Variants in FBXL14 observed in about 807,000 individuals in gnomAD.
The protein encoded by FBXL14 is F-box and leucine rich repeat protein 14.
FBXL14 carries 11 observed loss-of-function variants against 24.5 expected under a neutral mutation model. That is an observed-to-expected ratio of 0.45 (90% CI 0.28 to 0.74). The LOEUF (loss-of-function observed/expected upper bound fraction) is 0.74. Ranked by LOEUF, FBXL14 falls within the 30% of genes least tolerant of loss-of-function variation. FBXL14 has a pLI of 0.12. For missense variants in FBXL14, 384 were observed against 545.6 expected, an observed-to-expected ratio of 0.70 and a Z score of 2.95; for synonymous variants, 294 against 240.4, an observed-to-expected ratio of 1.22 and a Z score of -2.06.
intron 1 of FBXL14, among the ~76,000 whole-genome samples, chr12:1,585,397 C>CA (rs34371174): frequency 0.031 from 2,875 of 93,716 alleles, 31 homozygotes; most frequent in African/African-American, 0.035. Flanking sequence ...GACTCCGTCT[C>CA]AAAAAAAAAA....
intron 1 of FBXL14, among the ~76,000 whole-genome samples, chr12:1,568,776 A>G (rs185901371): frequency 2.7e-4 from 41 of 152,208 alleles, no homozygotes; most frequent in African/African-American, 9.2e-4. Flanking sequence ...CAAGAGAATC[A>G]CTTGAACCCA....
chr12:1,572,472 G>T (rs2094447020), intron 1 of FBXL14, among the ~76,000 whole-genome samples: 1 of 152,222 alleles, frequency 6.6e-6, no homozygotes, highest in Non-Finnish European at 1.5e-5. Context: ...TTGTTACCAA[G>T]TAAGATGCAC....
rs1403333511 is a variant in FBXL14 at position 1,592,784 on chromosome 12, A to C, written c.1194+89T>G. The C allele has an allele frequency of 3.6e-6, 4 of 1,122,420 alleles. No individual in the cohort carries two copies. In the East Asian group the frequency reaches 7.5e-5, roughly 21 times the overall value. The allele number at this position is 1,122,420 out of a possible 1,614,324, so 69.5% of individuals were successfully genotyped here. A position where few individuals can be genotyped will look rare whatever the true frequency, so the allele number is the denominator to read the frequency against. ...TCATCCGCTGCAATGATCTGTGCGT[A>C]AGTGTGCGTGTGAGTGTGTGGGGGC... is the stretch of plus-strand genomic sequence containing the variant. On this transcript the variant is annotated intron_variant, in intron 1 of 1. Transcript: ENST00000339235.
intron 1 of FBXL14, among the ~76,000 whole-genome samples, chr12:1,589,344 G>T (rs1474442742): frequency 2.7e-5 from 4 of 146,168 alleles, no homozygotes; most frequent in African/African-American, 1.0e-4. Context: ...GCTGCAGTGG[G>T]TTGTGATTGT....
rs1488706092 is a variant in FBXL14, at chr12:1,566,279, G to C, written c.*469C>G. The C allele has an allele frequency of 2.0e-5, 3 of 152,352 alleles. No homozygotes were observed. Among genetic ancestry groups the C allele is most frequent in the Admixed American group, 2.0e-4 (3 of 15,258 alleles). 9.4% of individuals were successfully genotyped at this position (152,352 alleles called of 1,614,324 possible). On this transcript the variant is annotated 3_prime_UTR_variant, in exon 2 of 2. Coordinates refer to ENST00000339235, the MANE Select transcript of FBXL14 (RefSeq NM_152441.3). ...GAGTTGTGAATTCCTTGTGTGTCCA[G>C]CTATCACTATGTAATGATATTTTAC...
At chr12:1,586,681 C>T (rs1015516355) in intron 1 of FBXL14, among the ~76,000 whole-genome samples, 4 of 152,160 alleles carry the variant, frequency 2.6e-5, no homozygotes, top group Non-Finnish European at 5.9e-5. Flanking sequence ...GCATCTTTTC[C>T]CATTTATAAA....
Position 1,593,358 on chromosome 12 carries a change from A to G in FBXL14, c.709T>C (p.Phe237Leu). 1 of 1,613,902 alleles carries G rather than the reference A, an allele frequency of 6.2e-7. No homozygotes were observed. The highest frequency in any genetic ancestry group is 8.5e-7 in the Non-Finnish European group (1 of 1,180,022). Residue 237 changes from phenylalanine to leucine, a missense_variant, in exon 1 of 2, where the codon TTC becomes CTC. Phe to Leu is a conservative substitution (Grantham distance 22). Coordinates refer to ENST00000339235, the MANE Select transcript of FBXL14 (RefSeq NM_152441.3). The surrounding 1 kb of genome is among the most constrained non-coding windows in gnomAD (Gnocchi z 7.4). ...CCAGCGTCCGAGATTCCCCCACAGA[A>G]GCTGAGGTTGAGGAGCCTCAGGCCC... ...LTGLRLLNLS[F>L]CGGISDAGLL...
rs144533122 is a variant in FBXL14, at chr12:1,579,159, T to A, written c.1195-12349A>T. 2.3e-3 allele frequency among the ~76,000 whole-genome samples: 356 copies of A among 152,134 alleles called. 1 individual carries two copies. Among genetic ancestry groups the A allele is most frequent in the African/African-American group, 8.2e-3 (339 of 41,526 alleles). ...CCGACATAAAATACGAATATGATCT[T>A]TGCATTAAGTATTAAATATAATACC... On this transcript the variant is annotated intron_variant, in intron 1 of 1. Coordinates refer to ENST00000339235, the MANE Select transcript of FBXL14 (RefSeq NM_152441.3). The surrounding 1 kb of genome is among the most constrained non-coding windows in gnomAD (Gnocchi z 4.3).
intron 1 of FBXL14, among the ~76,000 whole-genome samples, chr12:1,575,179 C>G (rs928622312): frequency 6.6e-6 from 1 of 152,128 alleles, no homozygotes; most frequent in Non-Finnish European, 1.5e-5. Context: ...GGAGAAAAAA[C>G]TTCTATTTAA....
chr12:1,592,709 CTGGAGGA>C (rs1323364608), intron 1 of FBXL14, among the ~76,000 whole-genome samples, 157 bp downstream of exon 1: 3 of 152,130 alleles, frequency 2.0e-5, no homozygotes, highest in African/African-American at 7.2e-5. Context: ...CGGGAGGGGG[CTGGAGGA>C]GGGAGGAGGA....
chr12:1,580,388 C>T (rs570170008), intron 1 of FBXL14, among the ~76,000 whole-genome samples: 1 of 152,176 alleles, frequency 6.6e-6, no homozygotes, highest in East Asian at 1.9e-4. Context: ...TGCTTCCAAA[C>T]TCTCTACATC....
chr12:1,594,094 G>T lies in FBXL14; in HGVS notation c.-28C>A, dbSNP rs759409432. 1.2e-5 allele frequency: 16 copies of T among 1,371,926 alleles called. No homozygotes were observed. The highest frequency in any genetic ancestry group is 1.5e-5 in the Non-Finnish European group (16 of 1,068,962). The allele number at this position is 1,371,926 out of a possible 1,614,324, so 85.0% of individuals were successfully genotyped here. ...TCCTCCTCCCCCCTCCGCGGCGCTG[G>T]GGGGAGGAGGCGCGGGCCCCGCCGC... On this transcript the variant is annotated 5_prime_UTR_variant, in exon 1 of 2. Coordinates refer to ENST00000339235, the MANE Select transcript of FBXL14 (RefSeq NM_152441.3).
intron 1 of FBXL14, among the ~76,000 whole-genome samples, chr12:1,590,610 C>T (rs936552735): frequency 6.6e-6 from 1 of 152,204 alleles, no homozygotes; most frequent in Non-Finnish European, 1.5e-5. Context: ...TTTCATTAAT[C>T]TGCCCCGATT....
At chr12:1,581,213 TGG>T (rs1239325409) in intron 1 of FBXL14, among the ~76,000 whole-genome samples, 1 of 132,738 alleles carries the variant, frequency 7.5e-6, no homozygotes, top group African/African-American at 2.7e-5. Flanking sequence ...ACCTTTAGGG[TGG>T]GGGGTGGGTG....
intron 1 of FBXL14, among the ~76,000 whole-genome samples, chr12:1,584,299 TATG>T (rs1276974682): frequency 6.6e-6 from 1 of 152,188 alleles, no homozygotes; most frequent in Non-Finnish European, 1.5e-5. Context: ...TGCAGTGAGA[TATG>T]ATCACACCGC....
At chr12:1,583,195 C>G (rs1212076045) in intron 1 of FBXL14, among the ~76,000 whole-genome samples, 2 of 151,892 alleles carry the variant, frequency 1.3e-5, no homozygotes, top group East Asian at 3.8e-4. Context: ...TAGAATTTGT[C>G]CTCACAGATA....
intron 1 of FBXL14, among the ~76,000 whole-genome samples, chr12:1,568,449 A>G (rs1486323399): frequency 6.6e-6 from 1 of 152,202 alleles, no homozygotes; most frequent in Non-Finnish European, 1.5e-5. Context: ...ATAGGTCAGA[A>G]ACTTAGATCT....
chr12:1,586,257 G>A (rs1336386682), intron 1 of FBXL14, among the ~76,000 whole-genome samples: 2 of 149,882 alleles, frequency 1.3e-5, no homozygotes, highest in Non-Finnish European at 3.0e-5. Context: ...TTTTTTTAAG[G>A]CTGAGGTAGA....
chr12:1,593,628 C>T lies in FBXL14; in HGVS notation c.439G>A (p.Val147Met), dbSNP rs1012347305. ...TTGCTGCAACCTCCCAGCTCCAGCA[C>T]CTCCAGGCCCTTGAGGTACTGGGCT... ...RIAQYLKGLEVLELGGCSNIT... is the reference protein window; with the variant it reads ...RIAQYLKGLEMLELGGCSNIT... The change falls in exon 1 of 2, where the codon GTG (valine) becomes ATG (methionine). Residue 147 changes from valine (V) to methionine (M), a missense_variant. Physicochemically the swap from Val to Met is conservative, Grantham distance 21 (BLOSUM62 1). Coordinates refer to ENST00000339235, the MANE Select transcript of FBXL14 (RefSeq NM_152441.3). The surrounding 1 kb of genome is among the most constrained non-coding windows in gnomAD (Gnocchi z 7.4). 6.2e-7 allele frequency: 1 copy of T among 1,614,142 alleles called. No individual in the cohort carries two copies. Among genetic ancestry groups the T allele is most frequent in the Non-Finnish European group, 8.5e-7 (1 of 1,180,028 alleles).
Sources: allele counts gnomAD v4.1 joint callset (sites outside exome capture counted in the v4.1 genomes callset), GRCh38; gene constraint gnomAD v4.1.1; non-coding constraint Gnocchi (gnomAD v3.1); transcripts MANE v1.5; gene names NCBI Gene and HGNC (gene_info 2026-07-23, HGNC 2026-07-21).